Variants in CAMK2A observed in about 807,000 individuals in gnomAD.
CAMK2A encodes the protein calcium/calmodulin dependent protein kinase II alpha, also known as calcium/calmodulin-dependent protein kinase type II subunit alpha.
In CAMK2A, 7 loss-of-function variants were observed where a neutral mutation model predicts 79.2. The ratio of observed to expected loss-of-function variants is 0.09; its 90% CI spans 0.05 to 0.17. The LOEUF is 0.17. Ranked by LOEUF, CAMK2A falls within the 10% of genes least tolerant of loss-of-function variation. The probability of loss-of-function intolerance (pLI) is 1.00; values close to 1 mark genes in which losing one functional copy is unlikely to be tolerated. For missense variants in CAMK2A, 214 were observed against 646.4 expected, an observed-to-expected ratio of 0.33 and a Z score of 7.25; for synonymous variants, 242 against 251.7, an observed-to-expected ratio of 0.96 and a Z score of 0.36.
intron 15 of CAMK2A, among the ~76,000 whole-genome samples, chr5:150,233,398 G>A (rs987417518): frequency 1.2e-4 from 18 of 152,258 alleles, no homozygotes; most frequent in Non-Finnish European, 1.2e-4. Context: ...ATCATTCAAC[G>A]TCAGCCACCA....
intron 3 of CAMK2A, among the ~76,000 whole-genome samples, chr5:150,262,427 C>T (rs2150291468): frequency 6.6e-6 from 1 of 152,250 alleles, no homozygotes; most frequent in South Asian, 2.1e-4. Flanking sequence ...TCCAAGGAAC[C>T]TTCCAGCCCT....
chr5:150,269,508 C>T lies in CAMK2A; in HGVS notation c.157+3557G>A, dbSNP rs565086103. Among the ~76,000 whole-genome samples the T allele has an allele frequency of 5.3e-5, 8 of 151,938 alleles. No individual in the cohort carries two copies. In the South Asian group the frequency reaches 1.0e-3, roughly 20 times the overall value. Reference sequence around the variant, plus strand: ...CTGGGACTACAGGCACCCGCCACTACGCCCGGCTAATTTTTTATATTTTTA... The same window carrying T: ...CTGGGACTACAGGCACCCGCCACTATGCCCGGCTAATTTTTTATATTTTTA... On this transcript the variant is annotated intron_variant, in intron 2 of 18. Transcript: ENST00000671881.
At position 150,220,937 on chromosome 5, in the gene CAMK2A, A is replaced by G. The variant is rs1415853194; in HGVS notation, c.*1773T>C. 1 of 152,432 alleles carries G rather than the reference A, an allele frequency of 6.6e-6. No homozygotes were observed. The highest frequency in any genetic ancestry group is 2.4e-5 in the African/African-American group (1 of 41,460). 9.4% of individuals were successfully genotyped at this position (152,432 alleles called of 1,614,324 possible). A position where few individuals can be genotyped will look rare whatever the true frequency, so the allele number is the denominator to read the frequency against. On this transcript the variant is annotated 3_prime_UTR_variant, in exon 19 of 19. Coordinates refer to ENST00000671881, the MANE Select transcript of CAMK2A (RefSeq NM_015981.4). ...AAACATCCTCACCAGTTCTGCTCCA[A>G]CCAACACCCAGGAGGGTCGAGGGTA...
intron 15 of CAMK2A, among the ~76,000 whole-genome samples, chr5:150,232,159 C>A (rs1026653390): frequency 2.6e-5 from 4 of 152,212 alleles, no homozygotes; most frequent in African/African-American, 9.7e-5. Context: ...ACATAGTGAG[C>A]AGAATCCAAG....
intron 6 of CAMK2A, among the ~76,000 whole-genome samples, chr5:150,255,465 C>T (rs945459405): frequency 6.6e-6 from 1 of 152,248 alleles, no homozygotes; most frequent in Non-Finnish European, 1.5e-5. Context: ...TCCGGGAGGA[C>T]CGTGGCAGGG....
chr5:150,264,572 A>T (rs1448433921), intron 3 of CAMK2A, among the ~76,000 whole-genome samples: 1 of 152,204 alleles, frequency 6.6e-6, no homozygotes, highest in Non-Finnish European at 1.5e-5. Flanking sequence ...TGCCAGGTCG[A>T]CGGAGGAGGG....
At chr5:150,267,096 TGGGGCCAAGTTGG>T (rs1190224013) in intron 2 of CAMK2A, among the ~76,000 whole-genome samples, 1 of 152,024 alleles carries the variant, frequency 6.6e-6, no homozygotes, top group Admixed American at 6.6e-5. Context: ...GATAAGGAGG[TGGGGCCAAGTTGG>T]GGGGCATCCC....
chr5:150,234,573 A>C (rs1754985135), intron 15 of CAMK2A, among the ~76,000 whole-genome samples: 1 of 152,218 alleles, frequency 6.6e-6, no homozygotes, highest in Non-Finnish European at 1.5e-5. Flanking sequence ...CTTTAGATCA[A>C]AGCACTTATG....
intron 2 of CAMK2A, among the ~76,000 whole-genome samples, chr5:150,265,992 A>T (rs971074446): frequency 6.6e-6 from 1 of 152,186 alleles, no homozygotes; most frequent in Non-Finnish European, 1.5e-5. Flanking sequence ...AGAATAAATG[A>T]TTGAATGAAT....
intron 7 of CAMK2A, 91 bp downstream of exon 7, chr5:150,253,353 A>C: frequency 5.9e-6 from 6 of 1,022,946 alleles, no homozygotes; most frequent in African/African-American, 1.6e-5. Context: ...ATCTCCAGCC[A>C]TACCCACTCA....
At position 150,256,051 on chromosome 5, in the gene CAMK2A, C is replaced by A. The variant is rs942455754; in HGVS notation, c.411+522G>T. On this transcript the variant is annotated intron_variant, in intron 6 of 18. Coordinates refer to ENST00000671881, the MANE Select transcript of CAMK2A (RefSeq NM_015981.4). This position sits in a 1 kb window ranked among gnomAD's most constrained non-coding sequence, Gnocchi z 4.6. The stretch of plus-strand genomic sequence containing the variant: ...GTAAAAGAAAGGAGAACTGCACGGG[C>A]CTAGAGTCTGGTTTTTCTTCTCCCC... 3.9e-5 allele frequency among the ~76,000 whole-genome samples: 6 copies of A among 152,194 alleles called. No homozygotes were observed. The highest frequency in any genetic ancestry group is 9.7e-5 in the African/African-American group (4 of 41,440).
intron 12 of CAMK2A, 152 bp downstream of exon 12, chr5:150,247,620 G>A (rs939657372): frequency 2.1e-5 from 13 of 614,398 alleles, no homozygotes; most frequent in Non-Finnish European, 2.9e-5. Context: ...GGTACAGGCC[G>A]TGGCAGGTGA....
intron 1 of CAMK2A, among the ~76,000 whole-genome samples, chr5:150,287,915 G>T (rs1462932261): frequency 6.6e-6 from 1 of 151,406 alleles, no homozygotes; most frequent in East Asian, 1.9e-4. Flanking sequence ...AAGGGAGGTG[G>T]TGCATGCCTG....
intron 16 of CAMK2A, 141 bp downstream of exon 16, chr5:150,231,164 A>G (rs1041459096): frequency 1.5e-5 from 7 of 462,932 alleles, no homozygotes; most frequent in African/African-American, 1.2e-4. Flanking sequence ...GATGCAAAAT[A>G]GAAATATGAG....
intron 17 of CAMK2A, among the ~76,000 whole-genome samples, chr5:150,224,259 T>G (rs1459287666): frequency 6.6e-6 from 1 of 152,160 alleles, no homozygotes; most frequent in Non-Finnish European, 1.5e-5. Flanking sequence ...ACAGTGGTGA[T>G]CTGTATCTTG....
intron 1 of CAMK2A, among the ~76,000 whole-genome samples, chr5:150,275,094 G>A (rs1199776819): frequency 6.6e-6 from 1 of 152,252 alleles, no homozygotes; most frequent in African/African-American, 2.4e-5. Flanking sequence ...GGATGAGGAG[G>A]AAGGAGCCAG....
At chr5:150,280,467 C>T (rs1438319248) in intron 1 of CAMK2A, among the ~76,000 whole-genome samples, 2 of 152,150 alleles carry the variant, frequency 1.3e-5, no homozygotes, top group East Asian at 3.9e-4. Context: ...GCAGCCTGGG[C>T]TGTTTCCTTC....
intron 1 of CAMK2A, among the ~76,000 whole-genome samples, chr5:150,274,736 A>G (rs1450134185): frequency 1.3e-5 from 2 of 150,596 alleles, no homozygotes; most frequent in Non-Finnish European, 3.0e-5. Flanking sequence ...CCAAGGTCAC[A>G]TGGTTCATAA....
chr5:150,239,696 ACACT>A lies in CAMK2A; in HGVS notation c.1017+4_1017+7del. 6.2e-7 allele frequency: 1 copy of A among 1,613,746 alleles called. No individual in the cohort carries two copies. The highest frequency in any genetic ancestry group is 8.5e-7 in the Non-Finnish European group (1 of 1,179,638). ...ATTTACCGGCGTTAGGAGACGGCAG[ACACT>A]CACCATTAACTGAACGCTGGAACTG... On this transcript the variant is annotated splice_donor_5th_base_variant and intron_variant, in intron 14 of 18. Coordinates refer to ENST00000671881, the MANE Select transcript of CAMK2A (RefSeq NM_015981.4).
Sources: gnomAD v4.1 joint callset for allele counts (sites outside exome capture counted in the v4.1 genomes callset) on GRCh38, gnomAD v4.1.1 for gene constraint, Gnocchi (gnomAD v3.1) non-coding constraint, MANE v1.5 for transcripts, NCBI Gene and HGNC (gene_info 2026-07-23, HGNC 2026-07-21) for gene names.